MCTP1: variants seen among roughly 807,000 people sequenced by gnomAD.
MCTP1 encodes multiple C2 and transmembrane domain containing 1.
A neutral mutation model predicts 120.6 loss-of-function variants in MCTP1; 69 were observed. The observed-to-expected ratio is 0.57, with a 90% CI of 0.47 to 0.70. The LOEUF is 0.70. Among genes scored for constraint, MCTP1 ranks in the 30% least tolerant of loss-of-function variants. The pLI, the probability that MCTP1 is intolerant of heterozygous loss-of-function variation, is 0.00. For missense variants in MCTP1, 1,203 were observed against 1,248.8 expected, an observed-to-expected ratio of 0.96 and a Z score of 0.55; for synonymous variants, 529 against 493.1, an observed-to-expected ratio of 1.07 and a Z score of -0.96.
At chr5:95,166,931 T>TTC (rs1746469208) in intron 1 of MCTP1, among the ~76,000 whole-genome samples, 1 of 151,774 alleles carries the variant, frequency 6.6e-6, no homozygotes, top group African/African-American at 2.4e-5. Flanking sequence ...TTTTTTTTTT[T>TTC]TGTACTTTAA....
At chr5:95,024,060 C>G in intron 1 of MCTP1, 1 of 448,566 alleles carries the variant, frequency 2.2e-6, no homozygotes, top group Non-Finnish European at 4.5e-6. Context: ...GGTCTTTTCC[C>G]TGTTAATTGT....
At position 95,284,307 on chromosome 5, in the gene MCTP1, C is replaced by G. The variant is rs1170021353; in HGVS notation, c.269G>C (p.Arg90Pro). Residue 90 changes from arginine to proline, a missense_variant, in exon 1 of 23, where the codon CGA becomes CCA. Arg to Pro is a moderately radical substitution (Grantham distance 103). Around this residue, in one of 2 missense-constraint regions of MCTP1, gnomAD observed 463 missense variants for 377.8 expected, o/e 1.23. Coordinates refer to ENST00000515393, the MANE Select transcript of MCTP1 (RefSeq NM_024717.7). The surrounding 1 kb of genome is among the most constrained non-coding windows in gnomAD (Gnocchi z 5.2). ...GTTGGGCTGCGAGGAGGAGAAGACT[C>G]GGTCCAGCACTTGCTTCCGCTTCTT... The part of the protein sequence containing the change: ...GFKKRKQVLD[R>P]VFSSSQPNLC... The G allele has an allele frequency of 6.3e-7, 1 of 1,597,224 alleles. No individual in the cohort carries two copies. Among genetic ancestry groups the G allele is most frequent in the Admixed American group, 1.7e-5 (1 of 59,978 alleles).
intron 17 of MCTP1, among the ~76,000 whole-genome samples, chr5:94,853,372 T>C (rs927763051): frequency 3.9e-5 from 6 of 152,000 alleles, no homozygotes; most frequent in African/African-American, 1.4e-4. Context: ...TTAGTATGGC[T>C]TTGATTTTAT....
chr5:94,849,014 A>G (rs78733740), intron 17 of MCTP1, among the ~76,000 whole-genome samples: 1 of 151,950 alleles, frequency 6.6e-6, no homozygotes, highest in Non-Finnish European at 1.5e-5. Flanking sequence ...GATCTTCCAT[A>G]TTAAAAAATA....
intron 19 of MCTP1, among the ~76,000 whole-genome samples, chr5:94,735,704 G>A (rs1429843935): frequency 6.6e-6 from 1 of 152,142 alleles, no homozygotes; most frequent in African/African-American, 2.4e-5. Context: ...TAATAGGAAG[G>A]TCATGAATAA....
chr5:94,969,080 A>C (rs1227425369), intron 2 of MCTP1, among the ~76,000 whole-genome samples: 1 of 152,184 alleles, frequency 6.6e-6, no homozygotes, highest in Admixed American at 6.5e-5. Context: ...AGACCTAGGA[A>C]ATATCAATTT....
chr5:95,147,903 A>G (rs1760545758), intron 1 of MCTP1, among the ~76,000 whole-genome samples: 1 of 152,180 alleles, frequency 6.6e-6, no homozygotes, highest in Non-Finnish European at 1.5e-5. Context: ...GGTGGTAACA[A>G]CTTCCCATAG....
chr5:94,750,950 C>A (rs2152801733), intron 19 of MCTP1, among the ~76,000 whole-genome samples: 1 of 152,274 alleles, frequency 6.6e-6, no homozygotes, highest in East Asian at 1.9e-4. Context: ...AAGGAAATGT[C>A]CCCGTCATCC....
rs1397244062 is a variant in MCTP1, at chr5:94,703,752, G to GCACAGATAGAATCATTAAGTTC, written c.*3722_*3743dup. 1 of 151,082 alleles carries GCACAGATAGAATCATTAAGTTC rather than the reference G, an allele frequency of 6.6e-6. No individual in the cohort carries two copies. The highest frequency in any genetic ancestry group is 2.4e-5 in the African/African-American group (1 of 41,190). 9.4% of individuals were successfully genotyped at this position (151,082 alleles called of 1,614,324 possible). ...TTAACCCAGATCCCTCCTTTGAAAA[G>GCACAGATAGAATCATTAAGTTC]CACAGATAGAATCATTAAGTTCCAG... On this transcript the variant is annotated 3_prime_UTR_variant, in exon 23 of 23. Transcript: ENST00000515393.
At chr5:95,060,940 C>A (rs1165345102) in intron 1 of MCTP1, among the ~76,000 whole-genome samples, 233 of 116,704 alleles carry the variant, frequency 2.0e-3, no homozygotes, top group African/African-American at 5.2e-3. Flanking sequence ...TGCCACTCCA[C>A]AAAAAAAAAA....
intron 6 of MCTP1, among the ~76,000 whole-genome samples, chr5:94,930,351 G>A (rs1379867224): frequency 7.5e-6 from 1 of 132,644 alleles, no homozygotes; most frequent in Non-Finnish European, 1.5e-5. Context: ...TCTGCTCACT[G>A]CAACCTCTGC....
chr5:95,249,463 A>G (rs1047662370), intron 1 of MCTP1, among the ~76,000 whole-genome samples: 2 of 152,230 alleles, frequency 1.3e-5, no homozygotes, highest in Non-Finnish European at 2.9e-5. Context: ...ATGAGATACC[A>G]TCTCACGCCA....
chr5:94,840,546 T>A (rs1790792553), intron 17 of MCTP1, among the ~76,000 whole-genome samples: 1 of 152,200 alleles, frequency 6.6e-6, no homozygotes, highest in Non-Finnish European at 1.5e-5. Flanking sequence ...GTTTCAAGGT[T>A]CTCACCCTTT....
chr5:94,954,168 A>ATT lies in MCTP1; in HGVS notation c.839-808_839-807insAA, dbSNP rs1491558879. On this transcript the variant is annotated intron_variant, in intron 2 of 22. Coordinates refer to ENST00000515393, the MANE Select transcript of MCTP1 (RefSeq NM_024717.7). ...TATACATATATATATGCATATATAT[A>ATT]CATATATATATATGCATATATATAT... Among the ~76,000 whole-genome samples, 2 of 93,370 alleles carry ATT rather than the reference A, an allele frequency of 2.1e-5. 1 individual carries two copies. The highest frequency in any genetic ancestry group is 9.3e-5 in the African/African-American group (2 of 21,466). 61.3% of individuals were successfully genotyped at this position (93,370 alleles called of 152,430 possible). A position where few individuals can be genotyped will look rare whatever the true frequency, so the allele number is the denominator to read the frequency against.
rs1209719775 is a variant in MCTP1, at chr5:94,954,177, TATATGC to T, written c.839-822_839-817del. On this transcript the variant is annotated intron_variant, in intron 2 of 22. Transcript: ENST00000515393. ...ATATATGCATATATATACATATATA[TATATGC>T]ATATATATATATATATATATATGCC... Among the ~76,000 whole-genome samples the T allele has an allele frequency of 2.3e-5, 2 of 87,370 alleles. 1 individual carries two copies. The highest frequency in any genetic ancestry group is 1.0e-4 in the African/African-American group (2 of 19,536). 57.3% of individuals were successfully genotyped at this position (87,370 alleles called of 152,430 possible).
At chr5:95,005,771 T>G (rs1354682535) in intron 2 of MCTP1, among the ~76,000 whole-genome samples, 1 of 2,520 alleles carries the variant, frequency 4.0e-4, no homozygotes, top group Non-Finnish European at 4.3e-3. Flanking sequence ...TCTTTCTTTA[T>G]TTTTTTTTTT....
intron 1 of MCTP1, among the ~76,000 whole-genome samples, chr5:95,182,131 T>C (rs1178244462): frequency 6.6e-6 from 1 of 152,214 alleles, no homozygotes; most frequent in East Asian, 1.9e-4. Context: ...TATAGCTCTA[T>C]AACCAAAGGA....
At chr5:95,070,515 C>T (rs1025662673) in intron 1 of MCTP1, among the ~76,000 whole-genome samples, 4 of 152,220 alleles carry the variant, frequency 2.6e-5, no homozygotes, top group African/African-American at 9.6e-5. Flanking sequence ...CTGTTTCAAA[C>T]CCAGTCCATT....
At chr5:94,760,021 G>T in intron 19 of MCTP1, among the ~76,000 whole-genome samples, 1 of 131,620 alleles carries the variant, frequency 7.6e-6, no homozygotes. Flanking sequence ...ACATTCTCTA[G>T]CTCAATTGCT....
Sources: allele counts gnomAD v4.1 joint callset (sites outside exome capture counted in the v4.1 genomes callset), GRCh38; gene constraint gnomAD v4.1.1; regional missense constraint gnomAD v4.1.1; non-coding constraint Gnocchi (gnomAD v3.1); transcripts MANE v1.5; gene names NCBI Gene and HGNC (gene_info 2026-07-23, HGNC 2026-07-21).